The following BDKRB2 variants were observed in gnomAD, a reference collection of about 807,000 sequenced individuals.
The protein encoded by BDKRB2 is B2 bradykinin receptor.
Under a neutral mutation model 4.0 loss-of-function variants are expected in BDKRB2, and 6 were observed. That is an observed-to-expected ratio of 1.49 (90% CI 0.81 to 2.93). The LOEUF is 2.93. Among genes scored for constraint, BDKRB2 ranks in the 30% most tolerant of loss-of-function variants. The probability of loss-of-function intolerance (pLI) is 0.00; values close to 1 mark genes in which losing one functional copy is unlikely to be tolerated. For missense variants in BDKRB2, 478 were observed against 520.1 expected (o/e 0.92, Z 0.79); for synonymous variants, 225 against 215.3 (o/e 1.05, Z -0.40).
chr14:96,215,795 A>G (rs1457402727), intron 1 of BDKRB2, among the ~76,000 whole-genome samples: 1 of 152,232 alleles, frequency 6.6e-6, no homozygotes, highest in Non-Finnish European at 1.5e-5. Flanking sequence ...GTCATCCCTA[A>G]CATTGATTCG....
intron 1 of BDKRB2, among the ~76,000 whole-genome samples, chr14:96,218,990 T>A (rs937964253): frequency 6.6e-6 from 1 of 151,744 alleles, no homozygotes; most frequent in Non-Finnish European, 1.5e-5. Context: ...AATGAGTTAA[T>A]ATCTGTGAAG....
chr14:96,213,446 G>T (rs998023541), intron 1 of BDKRB2, among the ~76,000 whole-genome samples: 1 of 151,660 alleles, frequency 6.6e-6, no homozygotes, highest in South Asian at 2.1e-4. Flanking sequence ...GAGCCATGTG[G>T]CAGGATCTCC....
At chr14:96,220,183 G>A (rs1890525205) in intron 1 of BDKRB2, among the ~76,000 whole-genome samples, 1 of 151,988 alleles carries the variant, frequency 6.6e-6, no homozygotes, top group African/African-American at 2.4e-5. Context: ...AGAGCAGCAG[G>A]AGCCCAAGTA....
intron 2 of BDKRB2, chr14:96,238,197 G>A (rs1890981662): frequency 2.8e-6 from 2 of 722,586 alleles, no homozygotes; most frequent in South Asian, 6.1e-5. Context: ...AAGCGTAACT[G>A]GGGCCAGAGG....
intron 2 of BDKRB2, chr14:96,238,478 A>G (rs1890989985): frequency 1.0e-6 from 1 of 985,516 alleles, no homozygotes; most frequent in Non-Finnish European, 1.2e-6. Flanking sequence ...CACACACCAC[A>G]GGGATCTTTT....
rs375988274 is a variant in BDKRB2, at chr14:96,214,168, C to T, written c.-40+9209C>T. On this transcript the variant is annotated intron_variant, in intron 1 of 2. Coordinates refer to ENST00000554311, the MANE Select transcript of BDKRB2 (RefSeq NM_001379692.1). ...CCCTCACTCCCTGCCCTCCAGTCCC[C>T]GCCAGTCCTCATGTTTTCCATGAGG... 1.6e-4 allele frequency among the ~76,000 whole-genome samples: 24 copies of T among 152,302 alleles called. No individual in the cohort carries two copies. The East Asian group carries it at 1.9e-3, about 12-fold the overall frequency.
intron 1 of BDKRB2, among the ~76,000 whole-genome samples, chr14:96,234,682 G>A (rs990772881): frequency 2.0e-5 from 3 of 152,238 alleles, no homozygotes; most frequent in African/African-American, 7.2e-5. Context: ...AAAGTTGAGA[G>A]GGAAAGCCCT....
chr14:96,206,939 G>A (rs1262940271), intron 1 of BDKRB2, among the ~76,000 whole-genome samples: 1 of 152,132 alleles, frequency 6.6e-6, no homozygotes, highest in Non-Finnish European at 1.5e-5. Context: ...GTCATAGATG[G>A]CACCTTCTAT....
In BDKRB2 at chr14:96,218,117, G is replaced by A. The variant is rs1184342346; in HGVS notation, c.-40+13158G>A. On this transcript the variant is annotated intron_variant, in intron 1 of 2. Transcript: ENST00000554311. ...CAAACCCACCATGGCATGAGCTGTC[G>A]AGTGCAGTGCCCGCTGCCACTAAGG... 2.6e-5 allele frequency among the ~76,000 whole-genome samples: 4 copies of A among 152,086 alleles called. 1 individual carries two copies. Among genetic ancestry groups the A allele is most frequent in the African/African-American group, 7.3e-5 (3 of 41,372 alleles).
intron 1 of BDKRB2, among the ~76,000 whole-genome samples, chr14:96,223,777 T>G (rs749572294): frequency 1.3e-5 from 2 of 151,946 alleles, no homozygotes; most frequent in African/African-American, 2.4e-5. Flanking sequence ...AGAAATCTGT[T>G]CATGTTAAAA....
Position 96,240,711 on chromosome 14 carries a change from C to T in BDKRB2, c.383C>T (p.Thr128Met), listed in dbSNP as rs183386880. ...SNNFDWLFGE[T>M]LCRVVNAIIS... ...AACTTCGACTGGCTCTTTGGGGAGACGCTCTGCCGCGTGGTGAATGCCATT... is the reference window on the plus strand; with the variant it reads ...AACTTCGACTGGCTCTTTGGGGAGATGCTCTGCCGCGTGGTGAATGCCATT... The change falls in exon 3 of 3, where the codon ACG becomes ATG. Residue 128 changes from threonine (T) to methionine (M), a missense_variant. Coordinates refer to ENST00000554311, the MANE Select transcript of BDKRB2 (RefSeq NM_001379692.1). The T allele has an allele frequency of 1.5e-4, 244 of 1,601,092 alleles. No homozygotes were observed. The highest frequency in any genetic ancestry group is 9.4e-4 in the East Asian group (42 of 44,808).
At chr14:96,239,788 A>T (rs1386225043) in intron 2 of BDKRB2, 1 of 984,694 alleles carries the variant, frequency 1.0e-6, no homozygotes, top group East Asian at 1.1e-4. Flanking sequence ...CAGTAGGACT[A>T]TCTGGCTGCA....
At chr14:96,205,498 G>C (rs190788687) in intron 1 of BDKRB2, among the ~76,000 whole-genome samples, 2 of 151,860 alleles carry the variant, frequency 1.3e-5, no homozygotes, top group Admixed American at 6.6e-5. Context: ...GGGTGGGGGG[G>C]TTTGTGAATG....
At chr14:96,233,304 GGT>G (rs1890861418) in intron 1 of BDKRB2, 1 of 152,560 alleles carries the variant, frequency 6.6e-6, no homozygotes, top group South Asian at 2.1e-4. Context: ...AAAGTGCTGG[GGT>G]CACAGGCATG....
chr14:96,235,592 T>C (rs1890912923), intron 1 of BDKRB2, among the ~76,000 whole-genome samples: 2 of 152,146 alleles, frequency 1.3e-5, no homozygotes, highest in Admixed American at 1.3e-4. Flanking sequence ...TTCCAGGTGT[T>C]AATTACCTCC....
At position 96,238,067 on chromosome 14, in the gene BDKRB2, G is replaced by GAGGCTGCAAGTT. The variant is rs142653675; in HGVS notation, c.74+887_74+898dup. 750 of 1,070,230 alleles carry GAGGCTGCAAGTT rather than the reference G, an allele frequency of 7.0e-4. 26 individuals carry two copies. In the East Asian group the frequency reaches 0.048, roughly 69 times the overall value. The allele number at this position is 1,070,230 out of a possible 1,614,324, so 66.3% of individuals were successfully genotyped here. A position where few individuals can be genotyped will look rare whatever the true frequency, so the allele number is the denominator to read the frequency against. ...CTTACCTTCAGAGGACTCTGGAAAG[G>GAGGCTGCAAGTT]AGGCTGCAAGTTTTCATGGGTCAAG... On this transcript the variant is annotated intron_variant, in intron 2 of 2. Transcript: ENST00000554311.
At chr14:96,211,010 C>T (rs1242698845) in intron 1 of BDKRB2, 1 of 152,230 alleles carries the variant, frequency 6.6e-6, no homozygotes, top group African/African-American at 2.4e-5. Flanking sequence ...CAGAAACCCT[C>T]CCCGATCCAA....
chr14:96,229,229 A>C (rs981531763), intron 1 of BDKRB2, among the ~76,000 whole-genome samples: 2 of 152,188 alleles, frequency 1.3e-5, no homozygotes, highest in Admixed American at 6.5e-5. Flanking sequence ...AATGTTATAG[A>C]AGCAGGAGGC....
intron 1 of BDKRB2, among the ~76,000 whole-genome samples, chr14:96,212,806 C>T (rs1305815471): frequency 6.6e-6 from 1 of 152,132 alleles, no homozygotes; most frequent in Non-Finnish European, 1.5e-5. Flanking sequence ...TTTGCTGATG[C>T]TCCTGTGTCT....
Sources: gnomAD v4.1 joint callset for allele counts (sites outside exome capture counted in the v4.1 genomes callset) on GRCh38, gnomAD v4.1.1 for gene constraint, MANE v1.5 for transcripts, NCBI Gene and HGNC (gene_info 2026-07-23, HGNC 2026-07-21) for gene names.